Variants in GPR19 observed in about 807,000 individuals in gnomAD.
GPR19 encodes the protein G protein-coupled receptor 19.
A neutral mutation model predicts 28.5 loss-of-function variants in GPR19; 14 were observed. The ratio of observed to expected loss-of-function variants is 0.49; its 90% CI spans 0.32 to 0.77. GPR19 has a LOEUF of 0.77. Among genes scored for constraint, GPR19 ranks in the 30% least tolerant of loss-of-function variants. The pLI, the probability that GPR19 is intolerant of heterozygous loss-of-function variation, is 0.03. For missense variants in GPR19, 409 were observed against 504.1 expected, an observed-to-expected ratio of 0.81 and a Z score of 1.81; for synonymous variants, 173 against 184.1, an observed-to-expected ratio of 0.94 and a Z score of 0.49.
In GPR19 at chr12:12,661,804, G is replaced by A. The variant is rs4763861; in HGVS notation, c.645C>T (p.Pro215=). Reference sequence around the variant, plus strand: ...TGTAGGCAGTGCCTTCCCAAGAGGAGGGGAGGAAATAGTTACAATGACTGT... The same window carrying A: ...TGTAGGCAGTGCCTTCCCAAGAGGAAGGGAGGAAATAGTTACAATGACTGT... ...NWDSHCNYFL[P]SSWEGTAYTV... is the part of the protein sequence containing the mutation. The change falls in exon 4 of 4, where the codon CCC becomes CCT. Residue 215 remains proline (P), a synonymous_variant. Transcript: ENST00000651487. This position sits in a 1 kb window ranked among gnomAD's most constrained non-coding sequence, Gnocchi z 4.2. 0.011 allele frequency: 17,808 copies of A among 1,614,044 alleles called. 121 individuals carry two copies. The highest frequency in any genetic ancestry group is 0.013 in the Non-Finnish European group (15,355 of 1,179,994).
chr12:12,679,654 T>TG (rs1181446275), intron 3 of GPR19, among the ~76,000 whole-genome samples: 1 of 89,012 alleles, frequency 1.1e-5, no homozygotes, highest in African/African-American at 3.6e-5. Flanking sequence ...ACCTTGTCTC[T>TG]GGAAAAAAAA....
intron 2 of GPR19, among the ~76,000 whole-genome samples, chr12:12,687,454 T>A (rs1946113663): frequency 6.6e-6 from 1 of 152,198 alleles, no homozygotes; most frequent in Admixed American, 6.5e-5. Flanking sequence ...GATCCTCAAC[T>A]TCTACAAGTA....
chr12:12,701,782 T>TA, the GPR19 span, among the ~76,000 whole-genome samples: 6 of 151,898 alleles, frequency 4.0e-5, no homozygotes, highest in African/African-American at 1.5e-4. Context: ...TATGAAAACT[T>TA]TAGCTGGGTG....
upstream of GPR19, among the ~76,000 whole-genome samples, chr12:12,697,176 A>AAAAAAAAAAAAAAAAC (rs1565413598): frequency 6.7e-6 from 1 of 149,932 alleles, no homozygotes; most frequent in Non-Finnish European, 1.5e-5. Flanking sequence ...AAAAAAAAAA[A>AAAAAAAAAAAAAAAAC]AGCAGCCATG....
intron 2 of GPR19, among the ~76,000 whole-genome samples, chr12:12,691,647 T>TTG (rs1946181936): frequency 6.6e-6 from 1 of 152,214 alleles, no homozygotes; most frequent in East Asian, 1.9e-4. Flanking sequence ...TCATAGATTC[T>TTG]TGTAAGGTGG....
the GPR19 span, chr12:12,716,628 T>C: frequency 1.4e-4 from 48 of 335,702 alleles, no homozygotes; most frequent in Middle Eastern, 3.0e-3. Flanking sequence ...TTTTTTTTAA[T>C]CTTGAGTTCC....
intron 3 of GPR19, among the ~76,000 whole-genome samples, chr12:12,675,606 G>C (rs1056239539): frequency 3.9e-5 from 6 of 152,204 alleles, no homozygotes; most frequent in African/African-American, 1.4e-4. Context: ...TTCTCTGGCA[G>C]CAGCAGGAGA....
the GPR19 span, among the ~76,000 whole-genome samples, chr12:12,705,109 A>T: frequency 5.0e-4 from 67 of 135,272 alleles, no homozygotes; most frequent in Admixed American, 3.3e-3. Flanking sequence ...ATAAATAGAA[A>T]TGCATCTTTT....
intron 3 of GPR19, among the ~76,000 whole-genome samples, chr12:12,665,709 C>CGCCTGTAGTCCCAGCTA (rs1945762756): frequency 6.8e-6 from 1 of 147,922 alleles, no homozygotes; most frequent in East Asian, 2.0e-4. Context: ...TGGTGGTGGG[C>CGCCTGTAGTCCCAGCTA]GCCTGTAGTC....
At position 12,661,315 on chromosome 12, in the gene GPR19, A is replaced by G. The variant is rs568215880; in HGVS notation, c.1134T>C (p.Pro378=). Reference sequence around the variant, plus strand: ...CTTTGGTAATAGTTTTGGCCATGGAAGGGATTTCTGAAATGCCAACGTAGT... The same window carrying G: ...CTTTGGTAATAGTTTTGGCCATGGAGGGGATTTCTGAAATGCCAACGTAGT... ...KKNYVGISEI[P]SMAKTITKDS... The change falls in exon 4 of 4, where the codon CCT becomes CCC. Residue 378 remains proline, a synonymous_variant. Transcript: ENST00000651487. The surrounding 1 kb of genome is among the most constrained non-coding windows in gnomAD (Gnocchi z 4.2). 12 of 1,614,018 alleles carry G rather than the reference A, an allele frequency of 7.4e-6. No homozygotes were observed. In the South Asian group the frequency reaches 1.2e-4, roughly 16 times the overall value.
intron 3 of GPR19, among the ~76,000 whole-genome samples, chr12:12,675,385 C>T (rs937906200): frequency 2.6e-5 from 4 of 151,976 alleles, no homozygotes; most frequent in African/African-American, 4.8e-5. Flanking sequence ...AGAGCCTTGC[C>T]GTTATTTAAA....
chr12:12,675,087 GT>G (rs1945910756), intron 3 of GPR19, among the ~76,000 whole-genome samples: 1 of 152,194 alleles, frequency 6.6e-6, no homozygotes, highest in African/African-American at 2.4e-5. Flanking sequence ...GCCGCCTTGG[GT>G]CCCAGCCGTG....
intron 3 of GPR19, among the ~76,000 whole-genome samples, chr12:12,675,485 A>C (rs574141825): frequency 6.6e-6 from 1 of 152,350 alleles, no homozygotes; most frequent in African/African-American, 2.4e-5. Flanking sequence ...GTTATATAGC[A>C]AAAGGGATTC....
intron 3 of GPR19, among the ~76,000 whole-genome samples, chr12:12,665,301 C>T (rs1221880933): frequency 1.3e-5 from 2 of 152,128 alleles, no homozygotes; most frequent in African/African-American, 4.8e-5. Context: ...AACTAAAGCC[C>T]GGAGGCGGGG....
At chr12:12,668,670 G>T (rs1945814768) in intron 3 of GPR19, among the ~76,000 whole-genome samples, 1 of 130,750 alleles carries the variant, frequency 7.6e-6, no homozygotes. Context: ...TTTTTTACAT[G>T]ATTTGGTTGA....
At chr12:12,702,050 T>C in the GPR19 span, among the ~76,000 whole-genome samples, 2 of 152,082 alleles carry the variant, frequency 1.3e-5, no homozygotes, top group Admixed American at 6.6e-5. Context: ...GTTTATGTTA[T>C]TGTCTGATTT....
chr12:12,694,110 A>T (rs1674476081), intron 2 of GPR19, among the ~76,000 whole-genome samples: 1 of 149,800 alleles, frequency 6.7e-6, no homozygotes, highest in African/African-American at 2.5e-5. Context: ...TTTAATTGGT[A>T]TAGAGAAAAG....
intron 2 of GPR19, among the ~76,000 whole-genome samples, chr12:12,687,920 T>G (rs1462738888): frequency 6.6e-6 from 1 of 152,214 alleles, no homozygotes; most frequent in Non-Finnish European, 1.5e-5. Context: ...ATAGTGCCAC[T>G]GCACTCTAAT....
chr12:12,697,771 C>A (rs1175219633), upstream of GPR19, among the ~76,000 whole-genome samples: 1 of 152,200 alleles, frequency 6.6e-6, no homozygotes, highest in Non-Finnish European at 1.5e-5. Context: ...TGGATTTTCT[C>A]ACGTTCAATA....
Sources: gnomAD v4.1 joint callset for allele counts (sites outside exome capture counted in the v4.1 genomes callset) on GRCh38, gnomAD v4.1.1 for gene constraint, Gnocchi (gnomAD v3.1) non-coding constraint, MANE v1.5 for transcripts, NCBI Gene and HGNC (gene_info 2026-07-23, HGNC 2026-07-21) for gene names.